Variants in PRIM2 observed in about 807,000 individuals in gnomAD.
PRIM2 encodes DNA primase subunit 2, also known as DNA primase large subunit.
In PRIM2, 39 loss-of-function variants were observed where a neutral mutation model predicts 67.3. The ratio of observed to expected loss-of-function variants is 0.58; its 90% CI spans 0.45 to 0.76. The LOEUF (loss-of-function observed/expected upper bound fraction) is 0.76, where lower values mean the gene tolerates loss of function less well. PRIM2 is among the 30% of genes least tolerant of loss of function. The pLI is 0.00. For synonymous variants in PRIM2, 143 were observed against 198.7 expected, an observed-to-expected ratio of 0.72 and a Z score of 2.36; for missense variants, 398 against 598.7, an observed-to-expected ratio of 0.66 and a Z score of 3.50.
the PRIM2 span, among the ~76,000 whole-genome samples, chr6:57,298,633 C>G: frequency 6.6e-6 from 1 of 151,938 alleles, no homozygotes; most frequent in Admixed American, 6.6e-5. Context: ...GGTGGATTCC[C>G]CTTCATTCCC....
intron 5 of PRIM2, among the ~76,000 whole-genome samples, chr6:57,350,186 G>A (rs1265056586): frequency 6.6e-6 from 1 of 152,114 alleles, no homozygotes; most frequent in Non-Finnish European, 1.5e-5. Flanking sequence ...TTCCCTTGGA[G>A]AGTTCTTCAT....
intron 10 of PRIM2, among the ~76,000 whole-genome samples, chr6:57,539,476 CTG>C (rs1775088770): frequency 1.3e-5 from 2 of 152,130 alleles, no homozygotes; most frequent in East Asian, 3.9e-4. Flanking sequence ...TAATTTGACT[CTG>C]TTATATATGT....
At chr6:57,458,672 T>TG (rs1326147339) in intron 7 of PRIM2, among the ~76,000 whole-genome samples, 1 of 151,740 alleles carries the variant, frequency 6.6e-6, no homozygotes, top group African/African-American at 2.4e-5. Flanking sequence ...GCAACAAGAG[T>TG]GAAACTCTGT....
intron 7 of PRIM2, among the ~76,000 whole-genome samples, chr6:57,405,329 TGA>T (rs1402141227): frequency 2.0e-5 from 3 of 151,226 alleles, no homozygotes; most frequent in Admixed American, 2.0e-4. Flanking sequence ...GATAAAGTGC[TGA>T]GAGTGTAATT....
In PRIM2 at chr6:57,619,891, G is replaced by C. The variant is rs1776821247; in HGVS notation, c.1231-12242G>C. On this transcript the variant is annotated intron_variant, in intron 12 of 13. Transcript: ENST00000615550. ...CTTCCCCAGCCTTGCTAGAGACCTA[G>C]ACATGCAAATATAAGAAGCACAGGG... Among the ~76,000 whole-genome samples, 5 of 152,232 alleles carry C rather than the reference G, an allele frequency of 3.3e-5. No homozygotes were observed. The South Asian group carries it at 1.0e-3, about 32-fold the overall frequency.
rs1314919895 is a variant in PRIM2, at chr6:57,566,138, T to C, written c.1020+28513T>C. On this transcript the variant is annotated intron_variant, in intron 10 of 13. Coordinates refer to ENST00000615550, the MANE Select transcript of PRIM2 (RefSeq NM_000947.5). The stretch of plus-strand genomic sequence containing the variant: ...ATTTTGGGTTTATTTGTTTGCTTTT[T>C]TTGTGGTGTCATTTAATTTGTTACT... 2.6e-5 allele frequency among the ~76,000 whole-genome samples: 4 copies of C among 151,906 alleles called. No individual in the cohort carries two copies. In the South Asian group the frequency reaches 6.2e-4, roughly 24 times the overall value.
chr6:57,308,669 C>T, the PRIM2 span, among the ~76,000 whole-genome samples: 9 of 152,200 alleles, frequency 5.9e-5, no homozygotes, highest in South Asian at 4.2e-4. Context: ...CTAGTCAACA[C>T]GCAATATTTT....
intron 7 of PRIM2, among the ~76,000 whole-genome samples, chr6:57,465,624 G>A (rs73750411): frequency 6.6e-6 from 1 of 152,134 alleles, no homozygotes; most frequent in Non-Finnish European, 1.5e-5. Flanking sequence ...TCTTGTAACC[G>A]TGCTTGAGGT....
At chr6:57,423,782 A>G (rs1451733718) in intron 7 of PRIM2, among the ~76,000 whole-genome samples, 1 of 152,208 alleles carries the variant, frequency 6.6e-6, no homozygotes, top group African/African-American at 2.4e-5. Flanking sequence ...CCCCTAGAGT[A>G]GTACTCACTG....
chr6:57,349,766 T>C (rs1768802461), intron 5 of PRIM2, among the ~76,000 whole-genome samples: 1 of 152,172 alleles, frequency 6.6e-6, no homozygotes, highest in African/African-American at 2.4e-5. Flanking sequence ...AGTTCTACTT[T>C]TCTTTTTTAA....
intron 12 of PRIM2, among the ~76,000 whole-genome samples, chr6:57,620,953 CTT>C (rs1776841787): frequency 6.6e-6 from 1 of 152,274 alleles, no homozygotes; most frequent in Admixed American, 6.5e-5. Context: ...ATGAAACAAA[CTT>C]TAAAGCAACA....
chr6:57,437,916 C>T lies in PRIM2; in HGVS notation c.693+55748C>T, dbSNP rs6920931. Among the ~76,000 whole-genome samples the T allele has an allele frequency of 7.4e-4, 112 of 152,102 alleles. 1 individual carries two copies. Among genetic ancestry groups the T allele is most frequent in the African/African-American group, 2.6e-3 (107 of 41,512 alleles). ...AAGTGATCTGCCTGCCTTAGCTTCCCCAAATGCTGGAATTACAGGCATGAG... is the reference window on the plus strand; with the variant it reads ...AAGTGATCTGCCTGCCTTAGCTTCCTCAAATGCTGGAATTACAGGCATGAG... On this transcript the variant is annotated intron_variant, in intron 7 of 13. Transcript: ENST00000615550.
At position 57,382,119 on chromosome 6, in the gene PRIM2, T is replaced by G; in HGVS notation, c.644T>G (p.Val215Gly). Reference protein sequence around the residue: ...GFAYVPLKDIVAIILNEFRAK... With the variant: ...GFAYVPLKDIGAIILNEFRAK... ...GCTTACGTACCACTTAAGGACATTG[T>G]GGCAATCATCCTGAATGAATTTAGA... is the stretch of plus-strand genomic sequence containing the variant. Residue 215 changes from valine to glycine, a missense_variant, in exon 7 of 14, where the codon GTG (valine) becomes GGG (glycine). Coordinates refer to ENST00000615550, the MANE Select transcript of PRIM2 (RefSeq NM_000947.5). 1 of 1,613,364 alleles carries G rather than the reference T, an allele frequency of 6.2e-7. No homozygotes were observed. The highest frequency in any genetic ancestry group is 8.5e-7 in the Non-Finnish European group (1 of 1,179,534).
the PRIM2 span, among the ~76,000 whole-genome samples, chr6:57,230,667 C>T: frequency 6.6e-6 from 1 of 152,198 alleles, no homozygotes; most frequent in Non-Finnish European, 1.5e-5. Context: ...AGATTTCCTT[C>T]TCTTTTCCAT....
At chr6:57,308,496 C>G in the PRIM2 span, among the ~76,000 whole-genome samples, 1 of 152,122 alleles carries the variant, frequency 6.6e-6, no homozygotes, top group Non-Finnish European at 1.5e-5. Context: ...TGTTCTTGTT[C>G]ATGTTTTTTG....
At chr6:57,642,625 T>C (rs1243055649) in intron 13 of PRIM2, among the ~76,000 whole-genome samples, 6 of 151,660 alleles carry the variant, frequency 4.0e-5, no homozygotes, top group Non-Finnish European at 1.5e-5. Flanking sequence ...GTATTTTTAG[T>C]AGAGACGGGG....
intron 10 of PRIM2, among the ~76,000 whole-genome samples, chr6:57,539,306 C>G (rs1171129149): frequency 6.6e-6 from 1 of 152,020 alleles, no homozygotes; most frequent in African/African-American, 2.4e-5. Context: ...AACTAAACAC[C>G]ACTGCTTTTC....
intron 7 of PRIM2, among the ~76,000 whole-genome samples, chr6:57,418,474 A>G (rs62399453): frequency 7.4e-6 from 1 of 135,162 alleles, no homozygotes; most frequent in Non-Finnish European, 1.5e-5. Flanking sequence ...TCGGCTCACT[A>G]CAACCTCTGC....
At chr6:57,290,389 C>A in the PRIM2 span, among the ~76,000 whole-genome samples, 1 of 152,104 alleles carries the variant, frequency 6.6e-6, no homozygotes, top group Admixed American at 6.6e-5. Context: ...GACTTAGACT[C>A]GCACACAATA....
Sources: allele counts gnomAD v4.1 joint callset (sites outside exome capture counted in the v4.1 genomes callset), GRCh38; gene constraint gnomAD v4.1.1; transcripts MANE v1.5; gene names NCBI Gene and HGNC (gene_info 2026-07-23, HGNC 2026-07-21).